TXNRD1: variants seen among roughly 807,000 people sequenced by gnomAD.
TXNRD1 encodes the protein thioredoxin reductase 1, cytoplasmic.
Under a neutral mutation model 80.3 loss-of-function variants are expected in TXNRD1, and 57 were observed. The ratio of observed to expected loss-of-function variants is 0.71; its 90% CI spans 0.57 to 0.89. The LOEUF (loss-of-function observed/expected upper bound fraction) is 0.89, where lower values mean the gene tolerates loss of function less well. TXNRD1 is among the 40% of genes least tolerant of loss of function. The pLI is 0.00. For missense variants in TXNRD1, 730 were observed against 803.0 expected, an observed-to-expected ratio of 0.91 and a Z score of 1.10; for synonymous variants, 291 against 285.2, an observed-to-expected ratio of 1.02 and a Z score of -0.20.
intron 4 of TXNRD1, among the ~76,000 whole-genome samples, chr12:104,298,969 A>C (rs2034523047): frequency 6.6e-6 from 1 of 152,212 alleles, no homozygotes. Flanking sequence ...GATTGGTTCC[A>C]GGACCCTTGT....
intron 13 of TXNRD1, among the ~76,000 whole-genome samples, chr12:104,328,778 A>C (rs977711507): frequency 6.1e-5 from 9 of 147,476 alleles, no homozygotes; most frequent in African/African-American, 2.3e-4. Flanking sequence ...AAAAAAAAAA[A>C]AGGAAAATAT....
At chr12:104,247,737 C>G (rs2033023949) in intron 1 of TXNRD1, among the ~76,000 whole-genome samples, 1 of 152,138 alleles carries the variant, frequency 6.6e-6, no homozygotes, top group Non-Finnish European at 1.5e-5. Flanking sequence ...ATGGCCTTCT[C>G]TGTTCTGTGT....
In TXNRD1 at chr12:104,327,578, CGATATATTGGAG is replaced by C; in HGVS notation, c.1454_1465del (p.Ile485_Asp488del). On this transcript the variant is annotated inframe_deletion, in exon 13 of 17. Transcript: ENST00000525566. Reference sequence around the variant, plus strand: ...ATGTGCCTTACATCTATGCCATTGGCGATATATTGGAGGATAAGGTGGAGCTCACCCCAGTTG... The same window carrying C: ...ATGTGCCTTACATCTATGCCATTGGCGATAAGGTGGAGCTCACCCCAGTTG... 6.2e-7 allele frequency: 1 copy of C among 1,613,270 alleles called. No individual in the cohort carries two copies. Among genetic ancestry groups the C allele is most frequent in the Non-Finnish European group, 8.5e-7 (1 of 1,179,728 alleles).
At chr12:104,218,047 G>A (rs1017308515) in intron 1 of TXNRD1, among the ~76,000 whole-genome samples, 8 of 149,122 alleles carry the variant, frequency 5.4e-5, no homozygotes, top group Admixed American at 4.7e-4. Context: ...TTTTTTTCCC[G>A]AGATGGAGTC....
At chr12:104,217,435 C>T (rs1032460429) in intron 1 of TXNRD1, among the ~76,000 whole-genome samples, 2 of 151,898 alleles carry the variant, frequency 1.3e-5, no homozygotes, top group Non-Finnish European at 2.9e-5. Context: ...CTCAGCCTCC[C>T]AAGTAGCTGG....
At chr12:104,249,606 C>T (rs1253969203) in intron 1 of TXNRD1, among the ~76,000 whole-genome samples, 3 of 152,002 alleles carry the variant, frequency 2.0e-5, no homozygotes, top group Non-Finnish European at 2.9e-5. Flanking sequence ...AATACATGTT[C>T]ATGGTTTAAA....
intron 3 of TXNRD1, chr12:104,287,123 C>G: frequency 6.7e-7 from 1 of 1,494,718 alleles, no homozygotes; most frequent in Non-Finnish European, 8.8e-7. Context: ...AGCTCTGCGT[C>G]GGGTGAAACC....
chr12:104,309,985 C>T (rs1159833608), intron 4 of TXNRD1: 11 of 1,536,264 alleles, frequency 7.2e-6, no homozygotes, highest in South Asian at 3.6e-5. Flanking sequence ...CTTCACATTG[C>T]TCCACCGCAC....
At chr12:104,243,799 G>A (rs4246263) in intron 1 of TXNRD1, among the ~76,000 whole-genome samples, 109,715 of 152,084 alleles carry the variant, frequency 0.72, 39,653 homozygotes, top group South Asian at 0.77. Context: ...CATTAATGGC[G>A]AAAACTCAAG....
chr12:104,216,116 A>AGAGAGGT (rs2032201927), intron 1 of TXNRD1, among the ~76,000 whole-genome samples: 2 of 152,178 alleles, frequency 1.3e-5, no homozygotes, highest in African/African-American at 4.8e-5. Context: ...GCTGGCTGTG[A>AGAGAGGT]GAGAGGTGGG....
chr12:104,311,182 C>T, intron 4 of TXNRD1, 108 bp from the exon 5 acceptor site: 2 of 1,283,948 alleles, frequency 1.6e-6, no homozygotes, highest in Non-Finnish European at 2.1e-6. Flanking sequence ...AGCATCTTCC[C>T]TTTGAAAATT....
At chr12:104,337,068 C>G (rs17202060) in intron 15 of TXNRD1, among the ~76,000 whole-genome samples, 1 of 151,698 alleles carries the variant, frequency 6.6e-6, no homozygotes, top group African/African-American at 2.4e-5. Context: ...ATACAGTGTT[C>G]GTGGTTTAAT....
At chr12:104,318,869 C>A in intron 7 of TXNRD1, 44 bp from the exon 8 acceptor site, 2 of 1,583,664 alleles carry the variant, frequency 1.3e-6, no homozygotes. Context: ...TCTTTGCCAG[C>A]AGTTGAAAAG....
At chr12:104,241,457 G>A (rs955393758) in intron 1 of TXNRD1, among the ~76,000 whole-genome samples, 3 of 151,804 alleles carry the variant, frequency 2.0e-5, no homozygotes, top group South Asian at 2.1e-4. Context: ...CGCAAACTTC[G>A]CCTCCCACGT....
intron 1 of TXNRD1, among the ~76,000 whole-genome samples, chr12:104,235,215 G>A (rs1009876915): frequency 2.0e-5 from 3 of 152,156 alleles, no homozygotes; most frequent in Non-Finnish European, 4.4e-5. Context: ...TACTGTGTCC[G>A]ATCCCCATTG....
chr12:104,225,737 A>G (rs906300065), intron 1 of TXNRD1, among the ~76,000 whole-genome samples: 2 of 148,890 alleles, frequency 1.3e-5, no homozygotes, highest in African/African-American at 5.0e-5. Flanking sequence ...TTTTTTATAA[A>G]TTACCTAGTC....
intron 1 of TXNRD1, among the ~76,000 whole-genome samples, chr12:104,218,808 A>G (rs113465919): frequency 0.016 from 2,473 of 151,806 alleles, 41 homozygotes; most frequent in South Asian, 0.073. Flanking sequence ...AGGTCTTGCC[A>G]TGTTGCCCAG....
chr12:104,316,979 CTAGT>C (rs1366849199), intron 7 of TXNRD1, among the ~76,000 whole-genome samples: 2 of 152,132 alleles, frequency 1.3e-5, no homozygotes, highest in African/African-American at 4.8e-5. Context: ...CTCACTCAAA[CTAGT>C]TATGCTTCTC....
intron 4 of TXNRD1, among the ~76,000 whole-genome samples, chr12:104,294,236 C>G (rs866048122): frequency 0.068 from 4,612 of 67,758 alleles, 1,318 homozygotes; most frequent in African/African-American, 0.22. Flanking sequence ...GGGAAAGGCC[C>G]CCCCCCCCGC....
Sources: allele counts gnomAD v4.1 joint callset (sites outside exome capture counted in the v4.1 genomes callset), GRCh38; gene constraint gnomAD v4.1.1; transcripts MANE v1.5; gene names NCBI Gene and HGNC (gene_info 2026-07-23, HGNC 2026-07-21).